The following SCN8A variants were observed in gnomAD, a reference collection of about 807,000 sequenced individuals.
SCN8A encodes sodium voltage-gated channel alpha subunit 8.
Under a neutral mutation model 184.1 loss-of-function variants are expected in SCN8A, and 30 were observed. The observed-to-expected ratio is 0.16, with a 90% confidence interval of 0.12 to 0.22. The LOEUF is 0.22. SCN8A is among the 10% of genes least tolerant of loss of function. The probability of loss-of-function intolerance (pLI) is 1.00; values close to 1 mark genes in which losing one functional copy is unlikely to be tolerated. For missense variants in SCN8A, 1,057 were observed against 2,498.9 expected, an observed-to-expected ratio of 0.42 and a Z score of 12.30; for synonymous variants, 852 against 907.0, an observed-to-expected ratio of 0.94 and a Z score of 1.09.
intron 2 of SCN8A, among the ~76,000 whole-genome samples, chr12:51,683,000 G>A (rs1827822037): frequency 1.3e-5 from 2 of 151,876 alleles, no homozygotes; most frequent in South Asian, 4.2e-4. Flanking sequence ...ATTCTTGTTT[G>A]TCCTTTAAAG....
chr12:51,679,383 G>A (rs1941285647), intron 2 of SCN8A, among the ~76,000 whole-genome samples: 1 of 152,164 alleles, frequency 6.6e-6, no homozygotes. Context: ...TGGCCCACAA[G>A]CTAAGAGTAG....
intron 12 of SCN8A, among the ~76,000 whole-genome samples, chr12:51,729,475 T>C (rs1942207336): frequency 6.6e-6 from 1 of 152,178 alleles, no homozygotes; most frequent in South Asian, 2.1e-4. Context: ...TTGAGACATA[T>C]TCATGTTTTA....
At chr12:51,781,662 G>T (rs115430783) in intron 21 of SCN8A, among the ~76,000 whole-genome samples, 1 of 151,644 alleles carries the variant, frequency 6.6e-6, no homozygotes, top group Non-Finnish European at 1.5e-5. Context: ...GCACGCACGC[G>T]CACACACACA....
chr12:51,707,782 G>A (rs1050024705), intron 11 of SCN8A, among the ~76,000 whole-genome samples: 13 of 152,088 alleles, frequency 8.5e-5, no homozygotes, highest in African/African-American at 2.4e-4. Context: ...TTGTACTAAC[G>A]TGCATTCCCA....
At position 51,662,994 on chromosome 12, in the gene SCN8A, G is replaced by A. The variant is rs147027699; in HGVS notation, c.177G>A (p.Leu59=). ...EDSKPKPNSD[L]EAGKSLPFIY... is the part of the protein sequence containing the mutation. The stretch of plus-strand genomic sequence containing the variant: ...GCAAGCCCAAGCCAAACAGCGACCT[G>A]GAAGCAGGGAAGAGTTTGCCTTTCA... The change falls in exon 2 of 27, where the codon CTG becomes CTA. Residue 59 remains leucine, a synonymous_variant. Coordinates refer to ENST00000627620, the MANE Select transcript of SCN8A (RefSeq NM_001330260.2). 48 of 1,614,038 alleles carry A rather than the reference G, an allele frequency of 3.0e-5. No homozygotes were observed. The African/African-American group carries it at 5.3e-4, about 18-fold the overall frequency.
rs765354280 is a variant in SCN8A, at chr12:51,806,898, G to C, written c.5412G>C (p.Glu1804Asp). The change falls in exon 27 of 27, where the codon GAG (glutamate) becomes GAC (aspartate). Residue 1804 changes from glutamate to aspartate, a missense_variant. By Grantham distance (45) the Glu-to-Asp change is conservative (BLOSUM62 2). Coordinates refer to ENST00000627620, the MANE Select transcript of SCN8A (RefSeq NM_001330260.2). The surrounding 1 kb of genome is among the most constrained non-coding windows in gnomAD (Gnocchi z 8.7). Reference protein sequence around the residue: ...KFDPDATQFIEYCKLADFADA... With the variant: ...KFDPDATQFIDYCKLADFADA... The stretch of plus-strand genomic sequence containing the variant: ...ACCCCGATGCCACCCAGTTCATTGA[G>C]TACTGTAAGCTGGCAGACTTTGCAG... 9 of 1,613,504 alleles carry C rather than the reference G, an allele frequency of 5.6e-6. No individual in the cohort carries two copies. The highest frequency in any genetic ancestry group is 7.6e-6 in the Non-Finnish European group (9 of 1,179,496).
rs144644901 is a variant in SCN8A, at chr12:51,708,767, C to T, written c.1635+2052C>T. Among the ~76,000 whole-genome samples the T allele has an allele frequency of 5.0e-3, 767 of 152,222 alleles. 13 individuals are homozygous for T. Among genetic ancestry groups the T allele is most frequent in the African/African-American group, 0.015 (643 of 41,552 alleles). Reference sequence around the variant, plus strand: ...CAGTTTTGTTTTCTGTAGTCTTTCTCCTTCTCCTTTGTATTTTATATACTG... The same window carrying T: ...CAGTTTTGTTTTCTGTAGTCTTTCTTCTTCTCCTTTGTATTTTATATACTG... On this transcript the variant is annotated intron_variant, in intron 11 of 26. Coordinates refer to ENST00000627620, the MANE Select transcript of SCN8A (RefSeq NM_001330260.2).
At chr12:51,724,455 G>GA (rs1201967824) in intron 12 of SCN8A, among the ~76,000 whole-genome samples, 6 of 151,886 alleles carry the variant, frequency 4.0e-5, no homozygotes, top group East Asian at 1.9e-4. Context: ...TCTCAAAAAA[G>GA]AAAAAACAAA....
At chr12:51,678,518 G>A (rs1440711689) in intron 2 of SCN8A, among the ~76,000 whole-genome samples, 2 of 152,206 alleles carry the variant, frequency 1.3e-5, no homozygotes, top group Admixed American at 6.5e-5. Context: ...AGATATCAGT[G>A]CTGGAAAGGA....
At chr12:51,625,440 A>C (rs898327456) in intron 1 of SCN8A, among the ~76,000 whole-genome samples, 1 of 152,184 alleles carries the variant, frequency 6.6e-6, no homozygotes, top group African/African-American at 2.4e-5. Context: ...TGTTGCTTCC[A>C]GTTTTGGATG....
At chr12:51,773,808 G>A (rs147789524) in intron 19 of SCN8A, among the ~76,000 whole-genome samples, 132 of 152,122 alleles carry the variant, frequency 8.7e-4, no homozygotes, top group African/African-American at 3.1e-3. Context: ...TTACTCAGCC[G>A]TAAGAAGGAA....
intron 20 of SCN8A, among the ~76,000 whole-genome samples, chr12:51,774,571 C>T (rs945324133): frequency 4.6e-5 from 7 of 152,188 alleles, no homozygotes; most frequent in African/African-American, 1.7e-4. Context: ...GGGGGACTAA[C>T]CAACCAACTC....
At chr12:51,644,473 A>G (rs1230694887) in intron 1 of SCN8A, among the ~76,000 whole-genome samples, 9 of 152,252 alleles carry the variant, frequency 5.9e-5, no homozygotes, top group Non-Finnish European at 7.3e-5. Context: ...AGTGGTCCAT[A>G]TTAAAAACAA....
intron 11 of SCN8A, among the ~76,000 whole-genome samples, chr12:51,719,584 C>G (rs1212320656): frequency 1.1e-5 from 1 of 91,776 alleles, no homozygotes; most frequent in Non-Finnish European, 2.2e-5. Flanking sequence ...GTAATCCCAG[C>G]ACTTTGGGAG....
intron 7 of SCN8A, among the ~76,000 whole-genome samples, chr12:51,700,874 C>G (rs1941675918): frequency 6.6e-6 from 1 of 152,166 alleles, no homozygotes; most frequent in African/African-American, 2.4e-5. Flanking sequence ...GTACCAGAAT[C>G]TGGCATATAG....
intron 12 of SCN8A, among the ~76,000 whole-genome samples, chr12:51,730,850 G>A (rs966895972): frequency 1.3e-5 from 2 of 151,796 alleles, no homozygotes; most frequent in Admixed American, 6.6e-5. Flanking sequence ...CCATCTCCCC[G>A]CTACCCTTCC....
intron 1 of SCN8A, among the ~76,000 whole-genome samples, chr12:51,624,112 T>C (rs1007566529): frequency 1.3e-5 from 2 of 152,222 alleles, no homozygotes; most frequent in Non-Finnish European, 2.9e-5. Flanking sequence ...TTTATAGTCC[T>C]TTGGGTATAT....
Position 51,696,961 on chromosome 12 carries a change from C to A in SCN8A, c.707-2609C>A, listed in dbSNP as rs1055405708. On this transcript the variant is annotated intron_variant, in intron 6 of 26. Coordinates refer to ENST00000627620, the MANE Select transcript of SCN8A (RefSeq NM_001330260.2). ...GGCTGAGGCAGGAGAATCGCTTGAA[C>A]CCAGAAGACGGAGGTTGCAGTGAGC... Among the ~76,000 whole-genome samples the A allele has an allele frequency of 1.6e-4, 24 of 151,562 alleles. 1 individual carries two copies.
At chr12:51,645,038 G>GC (rs1278007155) in intron 1 of SCN8A, among the ~76,000 whole-genome samples, 1 of 151,356 alleles carries the variant, frequency 6.6e-6, no homozygotes, top group Non-Finnish European at 1.5e-5. Context: ...GGGGGGGTCA[G>GC]CCCCCCACCC....
Sources: allele counts gnomAD v4.1 joint callset (sites outside exome capture counted in the v4.1 genomes callset), GRCh38; gene constraint gnomAD v4.1.1; non-coding constraint Gnocchi (gnomAD v3.1); transcripts MANE v1.5; gene names NCBI Gene and HGNC (gene_info 2026-07-23, HGNC 2026-07-21).